Variants in ITGA7 observed in about 807,000 individuals in gnomAD.
ITGA7 encodes the protein integrin subunit alpha 7, also known as integrin alpha-7.
ITGA7 carries 84 observed loss-of-function variants against 131.6 expected under a neutral mutation model. That is an observed-to-expected ratio of 0.64 (90% confidence interval 0.54 to 0.77). The LOEUF (loss-of-function observed/expected upper bound fraction) is 0.77. Among genes scored for constraint, ITGA7 ranks in the 30% least tolerant of loss-of-function variants. ITGA7 has a pLI of 0.00. For synonymous variants in ITGA7, 548 were observed against 600.7 expected (o/e 0.91, Z 1.28); for missense variants, 1,399 against 1,482.9 (o/e 0.94, Z 0.93).
chr12:55,699,871 T>C lies in ITGA7; in HGVS notation c.789A>G (p.Leu263=). The change falls in exon 5 of 25, where the codon TTA becomes TTG. Residue 263 remains leucine (L), a splice_region_variant and synonymous_variant. Transcript: ENST00000257879. The stretch of plus-strand genomic sequence containing the variant: ...TCCAGGAGGTGGGAGCTTACAAACC[T>C]AAGTAGCTATTGAGGGCCAAGTCTC... The part of the protein sequence containing the change: ...PAGDLALNSY[L]GFSIDSGKGL... 6.2e-7 allele frequency: 1 copy of C among 1,604,966 alleles called. No homozygotes were observed. Among genetic ancestry groups the C allele is most frequent in the African/African-American group, 1.3e-5 (1 of 74,970 alleles).
Position 55,707,820 on chromosome 12 carries a change from G to GCCCAAA in ITGA7, c.-139_-138insTTTGGG. 2.1e-6 allele frequency: 3 copies of GCCCAAA among 1,455,750 alleles called. No individual in the cohort carries two copies. Among genetic ancestry groups the GCCCAAA allele is most frequent in the Non-Finnish European group, 1.8e-6 (2 of 1,102,462 alleles). 90.2% of individuals were successfully genotyped at this position (1,455,750 alleles called of 1,614,324 possible). On this transcript the variant is annotated 5_prime_UTR_variant, in exon 1 of 25. Transcript: ENST00000257879. ...CGTCTCCCAGACGTTCGCCCCGCCAGCCCTCCCGCCCGCCCGCCGCTCCGC... is the reference window on the plus strand; with the variant it reads ...CGTCTCCCAGACGTTCGCCCCGCCAGCCCAAACCCTCCCGCCCGCCCGCCGCTCCGC...
intron 12 of ITGA7, 37 bp from the exon 13 acceptor site, chr12:55,696,469 C>T: frequency 6.3e-7 from 1 of 1,576,524 alleles, no homozygotes; most frequent in Non-Finnish European, 8.6e-7. Flanking sequence ...CTGGAACAAT[C>T]CCCAGGCCTC....
rs576703073 is a variant in ITGA7 at position 55,696,811 on chromosome 12, G to T, written c.1737+88C>A. ...CTAGGTCTTAGAAGGAGGCACGAGT[G>T]TGCTCGGGAAAAAGCAGCTAAGAGG... On this transcript the variant is annotated intron_variant, in intron 12 of 24. Transcript: ENST00000257879. 7.6e-5 allele frequency: 112 copies of T among 1,483,416 alleles called. 1 individual carries two copies. The highest frequency in any genetic ancestry group is 2.9e-4 in the South Asian group (25 of 87,678). The allele number at this position is 1,483,416 out of a possible 1,614,324, so 91.9% of individuals were successfully genotyped here.
upstream of ITGA7, chr12:55,716,374 G>A: frequency 2.1e-6 from 3 of 1,432,718 alleles, no homozygotes; most frequent in South Asian, 4.4e-5. Context: ...TTGCCAACTG[G>A]CTCCGGTCCC....
At chr12:55,691,523 T>C (rs138546885) in intron 21 of ITGA7, among the ~76,000 whole-genome samples, 1 of 152,358 alleles carries the variant, frequency 6.6e-6, no homozygotes, top group East Asian at 1.9e-4. Flanking sequence ...ATGCATATGT[T>C]AATTAGCTCA....
At chr12:55,697,360 C>T (rs1432534889) in intron 10 of ITGA7, 83 bp from the exon 11 acceptor site, 2 of 1,578,730 alleles carry the variant, frequency 1.3e-6, no homozygotes, top group Admixed American at 1.8e-5. Context: ...CACATCCTGT[C>T]ACAGCCCCAG....
At chr12:55,698,330 C>G in intron 7 of ITGA7, 53 bp downstream of exon 7, 1 of 1,502,908 alleles carries the variant, frequency 6.7e-7, no homozygotes, top group South Asian at 1.2e-5. Flanking sequence ...AGGGGCTTCC[C>G]CATCCCTCCT....
chr12:55,714,374 C>T (rs1313116106), upstream of ITGA7, among the ~76,000 whole-genome samples: 1 of 151,412 alleles, frequency 6.6e-6, no homozygotes, highest in African/African-American at 2.4e-5. Flanking sequence ...AAAAATTAGC[C>T]GGGCGTAGTG....
rs1872219420 is a variant in ITGA7, at chr12:55,694,592, G to A, written c.2277+23C>T. The A allele has an allele frequency of 5.6e-6, 9 of 1,613,414 alleles. No homozygotes were observed. The highest frequency in any genetic ancestry group is 7.6e-6 in the Non-Finnish European group (9 of 1,179,462). The stretch of plus-strand genomic sequence containing the variant: ...GGCTTATGGAGAGGCTACTCACGTA[G>A]GGATAAGGGCAGATGTGCCAACCTG... On this transcript the variant is annotated intron_variant, in intron 16 of 24. Transcript: ENST00000257879. The surrounding 1 kb of genome is among the most constrained non-coding windows in gnomAD (Gnocchi z 5.3).
At position 55,695,594 on chromosome 12, in the gene ITGA7, T is replaced by C. The variant is rs778114419; in HGVS notation, c.1931A>G (p.Gln644Arg). The C allele has an allele frequency of 5.6e-6, 9 of 1,613,974 alleles. No individual in the cohort carries two copies. The South Asian group carries it at 9.9e-5, about 18-fold the overall frequency. Residue 644 changes from glutamine to arginine, a missense_variant, in exon 14 of 25, where the codon CAG becomes CGG. By Grantham distance (43) the Gln-to-Arg change is conservative (BLOSUM62 1). Transcript: ENST00000257879. ...KQGCGEDKIC[Q>R]SNLQLVRARF... The stretch of plus-strand genomic sequence containing the variant: ...GGCGCGGACCAGCTGCAGATTGCTC[T>C]GGCAGATCTTGTCTTCACCACAGCC...
chr12:55,688,722 C>CAA (rs35887029), intron 22 of ITGA7, 122 bp downstream of exon 22: 522 of 614,852 alleles, frequency 8.5e-4, no homozygotes, highest in Middle Eastern at 1.7e-3. Context: ...GACTCCGTCT[C>CAA]AAAAAAAAAA....
rs368130279 is a variant in ITGA7, at chr12:55,701,052, G to T, written c.517C>A (p.Arg173=). The T allele has an allele frequency of 3.6e-5, 58 of 1,614,080 alleles. No homozygotes were observed. Among genetic ancestry groups the T allele is most frequent in the Non-Finnish European group, 4.8e-5 (57 of 1,180,038 alleles). Residue 173 remains arginine (R), a synonymous_variant, in exon 4 of 25, where the codon CGG becomes AGG. Transcript: ENST00000257879. ...CFVLSQDLAI[R]DELDGGEWKF... ...CATTCCCCACCATCCAACTCATCCCGGATGGCCAGGTCCTGGCTGAGCACA... is the reference window on the plus strand; with the variant it reads ...CATTCCCCACCATCCAACTCATCCCTGATGGCCAGGTCCTGGCTGAGCACA...
intron 21 of ITGA7, among the ~76,000 whole-genome samples, chr12:55,690,883 A>G (rs899468592): frequency 1.3e-5 from 2 of 151,556 alleles, no homozygotes; most frequent in African/African-American, 4.8e-5. Context: ...AAAACCAAAC[A>G]CCGCATATTC....
At chr12:55,687,070 TCTCAA>T (rs1386441727) in intron 24 of ITGA7, among the ~76,000 whole-genome samples, 1 of 151,880 alleles carries the variant, frequency 6.6e-6, no homozygotes, top group Non-Finnish European at 1.5e-5. Flanking sequence ...CACTCCATTT[TCTCAA>T]CTCAACACTT....
intron 22 of ITGA7, 23 bp from the exon 23 acceptor site, chr12:55,688,323 C>G (rs1870694422): frequency 6.5e-7 from 1 of 1,548,224 alleles, no homozygotes; most frequent in Non-Finnish European, 8.9e-7. Flanking sequence ...GGAAGGAGAC[C>G]CTTCTCCTAA....
chr12:55,697,475 T>C lies in ITGA7; in HGVS notation c.1481A>G (p.Asn494Ser), dbSNP rs374707420. 3.1e-5 allele frequency: 50 copies of C among 1,614,010 alleles called. 1 individual carries two copies. In the East Asian group the frequency reaches 9.1e-4, roughly 29 times the overall value. The change falls in exon 10 of 25, where the codon AAC becomes AGC. Residue 494 changes from asparagine to serine, a missense_variant. Physicochemically the swap from Asn to Ser is conservative, Grantham distance 46. Coordinates refer to ENST00000257879, the MANE Select transcript of ITGA7 (RefSeq NM_002206.3). ...CCAGACCGAGTGGCCGCCAGCACAGTTGGGCTGCTCCAGGTCGATGCTTCG... is the reference window on the plus strand; with the variant it reads ...CCAGACCGAGTGGCCGCCAGCACAGCTGGGCTGCTCCAGGTCGATGCTTCG... ...APRSIDLEQP[N>S]CAGGHSVCVD...
At chr12:55,693,931 A>G in intron 19 of ITGA7, 90 bp downstream of exon 19, 1 of 1,046,050 alleles carries the variant, frequency 9.6e-7, no homozygotes, top group Non-Finnish European at 1.5e-6. Context: ...CACATGGTAG[A>G]AGAGCCCCAG....
At chr12:55,698,647 T>A in intron 6 of ITGA7, 63 bp downstream of exon 6, 2 of 1,611,364 alleles carry the variant, frequency 1.2e-6, no homozygotes, top group Non-Finnish European at 1.7e-6. Context: ...CTAAGTGGCC[T>A]CAGCCAGACT....
intron 24 of ITGA7, 25 bp from the exon 25 acceptor site, chr12:55,685,313 T>G (rs1265662722): frequency 1.2e-6 from 2 of 1,607,602 alleles, no homozygotes; most frequent in Admixed American, 1.7e-5. Context: ...GGCCAGACCA[T>G]GAGGAGCCTG....
Sources: gnomAD v4.1 joint callset for allele counts (sites outside exome capture counted in the v4.1 genomes callset) on GRCh38, gnomAD v4.1.1 for gene constraint, Gnocchi (gnomAD v3.1) non-coding constraint, MANE v1.5 for transcripts, NCBI Gene and HGNC (gene_info 2026-07-23, HGNC 2026-07-21) for gene names.